The following VPS37A variants were observed in gnomAD, a reference collection of about 807,000 sequenced individuals.
VPS37A encodes vacuolar protein sorting-associated protein 37A.
Under a neutral mutation model 49.8 loss-of-function variants are expected in VPS37A, and 30 were observed. The observed-to-expected ratio is 0.60, with a 90% CI of 0.45 to 0.82. The LOEUF is 0.82. Ranked by LOEUF, VPS37A falls within the 40% of genes least tolerant of loss-of-function variation. The probability of loss-of-function intolerance (pLI) is 0.00; values close to 1 mark genes in which losing one functional copy is unlikely to be tolerated. For synonymous variants in VPS37A, 195 were observed against 160.6 expected, an observed-to-expected ratio of 1.21 and a Z score of -1.62; for missense variants, 593 against 464.4, an observed-to-expected ratio of 1.28 and a Z score of -2.55.
downstream of VPS37A, chr8:17,299,975 CT>C: frequency 6.2e-7 from 1 of 1,614,164 alleles, no homozygotes; most frequent in Non-Finnish European, 8.5e-7. Context: ...ACCCCGGACT[CT>C]TGGTCACTGT....
At chr8:17,300,189 G>T (rs1290244212), downstream of VPS37A, 1 of 1,613,246 alleles carries the variant, frequency 6.2e-7, no homozygotes, top group Non-Finnish European at 8.5e-7. Context: ...TCACCTTAGT[G>T]CAATTTAACT....
chr8:17,300,329 A>G, downstream of VPS37A: 10 of 1,242,748 alleles, frequency 8.0e-6, no homozygotes, highest in Non-Finnish European at 1.1e-5. Flanking sequence ...GTATAATGTT[A>G]AGAACATGTG....
intron 1 of VPS37A, among the ~76,000 whole-genome samples, chr8:17,251,696 C>A (rs535840314): frequency 6.6e-6 from 1 of 152,208 alleles, no homozygotes; most frequent in Admixed American, 6.5e-5. Flanking sequence ...TTATCTTGCA[C>A]ACAGGAGATG....
intron 6 of VPS37A, among the ~76,000 whole-genome samples, chr8:17,277,105 A>AT (rs1024253215): frequency 1.3e-5 from 2 of 151,888 alleles, no homozygotes; most frequent in Non-Finnish European, 2.9e-5. Context: ...CTTTTTCTTT[A>AT]TTTTTTTGCA....
chr8:17,268,208 G>T, intron 2 of VPS37A, 50 bp from the exon 3 acceptor site: 2 of 1,311,810 alleles, frequency 1.5e-6, no homozygotes, highest in Non-Finnish European at 2.2e-6. Context: ...ACCATATAAT[G>T]TACCTTTGTT....
At chr8:17,314,271 T>C in the VPS37A span, among the ~76,000 whole-genome samples, 1 of 152,068 alleles carries the variant, frequency 6.6e-6, no homozygotes, top group Non-Finnish European at 1.5e-5. Context: ...AATCAAGAAA[T>C]CATAGATTTC....
downstream of VPS37A, among the ~76,000 whole-genome samples, chr8:17,306,598 C>T (rs1018427070): frequency 1.3e-5 from 2 of 152,142 alleles, no homozygotes; most frequent in Non-Finnish European, 2.9e-5. Flanking sequence ...TAGCCCTTTA[C>T]ACTACTGTGT....
chr8:17,309,202 CTAAA>C, the VPS37A span: 1 of 1,038,820 alleles, frequency 9.6e-7, no homozygotes, highest in African/African-American at 1.6e-5. Context: ...CGATTTTCCC[CTAAA>C]TATTCAATTG....
In VPS37A at chr8:17,276,408, T is replaced by C. The variant is rs1381252140; in HGVS notation, c.654T>C (p.Asn218=). 2.5e-6 allele frequency: 4 copies of C among 1,611,558 alleles called. No individual in the cohort carries two copies. In the Admixed American group the frequency reaches 5.0e-5, roughly 20 times the overall value. Residue 218 remains asparagine (N), a synonymous_variant, in exon 6 of 12, where the codon AAT becomes AAC. Transcript: ENST00000324849. ...TVDASIPTSQ[N]GFGYKMPDVP... ...AAACTTTTCTTTAGACAAGCCAAAA[T>C]GGTTTTGGGTACAAGATGCCAGATG... is the stretch of plus-strand genomic sequence containing the variant.
the VPS37A span, among the ~76,000 whole-genome samples, chr8:17,314,235 G>A: frequency 2.6e-5 from 4 of 152,250 alleles, no homozygotes; most frequent in Non-Finnish European, 5.9e-5. Context: ...CTATTGAGGA[G>A]TCTTATCAAT....
the VPS37A span, chr8:17,309,389 C>G: frequency 8.8e-7 from 1 of 1,132,112 alleles, no homozygotes; most frequent in Non-Finnish European, 1.3e-6. Flanking sequence ...GACCACACAA[C>G]CAATAATGTT....
At chr8:17,263,361 A>G (rs913745047) in intron 1 of VPS37A, among the ~76,000 whole-genome samples, 6 of 152,146 alleles carry the variant, frequency 3.9e-5, no homozygotes, top group African/African-American at 1.4e-4. Context: ...TCCTGTTTTA[A>G]TTAAGTAAAA....
chr8:17,310,132 G>A, the VPS37A span, among the ~76,000 whole-genome samples: 1 of 151,938 alleles, frequency 6.6e-6, no homozygotes, highest in African/African-American at 2.4e-5. Flanking sequence ...CAAGTAGCTG[G>A]GACCACAGGT....
intron 1 of VPS37A, among the ~76,000 whole-genome samples, chr8:17,260,349 C>A (rs1402101770): frequency 6.6e-6 from 1 of 152,106 alleles, no homozygotes; most frequent in African/African-American, 2.4e-5. Context: ...TGCCTTAATT[C>A]CTTCTCCCCA....
At chr8:17,314,624 A>C in the VPS37A span, among the ~76,000 whole-genome samples, 1 of 152,228 alleles carries the variant, frequency 6.6e-6, no homozygotes, top group African/African-American at 2.4e-5. Context: ...ACACACAAAA[A>C]AGCACAAGTA....
At chr8:17,306,144 A>G (rs1258451265), downstream of VPS37A, among the ~76,000 whole-genome samples, 1 of 152,202 alleles carries the variant, frequency 6.6e-6, no homozygotes, top group African/African-American at 2.4e-5. Context: ...CTTTGTAGTG[A>G]CGGTCTGGAT....
intron 11 of VPS37A, chr8:17,286,696 T>C: frequency 3.1e-6 from 1 of 321,698 alleles, no homozygotes; most frequent in Non-Finnish European, 5.7e-6. Context: ...TTATAGTCAG[T>C]TCCTTTCTCT....
intron 1 of VPS37A, among the ~76,000 whole-genome samples, chr8:17,255,623 T>C (rs915515468): frequency 6.6e-6 from 1 of 152,228 alleles, no homozygotes; most frequent in Non-Finnish European, 1.5e-5. Flanking sequence ...TTAAAATTGA[T>C]ACATGATAGC....
chr8:17,327,437 A>AT, the VPS37A span, among the ~76,000 whole-genome samples: 50,862 of 151,190 alleles, frequency 0.34, 11,537 homozygotes, highest in African/African-American at 0.64. Flanking sequence ...CGCCTGGTTG[A>AT]TTTTTTTTAT....
Sources: gnomAD v4.1 joint callset for allele counts (sites outside exome capture counted in the v4.1 genomes callset) on GRCh38, gnomAD v4.1.1 for gene constraint, MANE v1.5 for transcripts, NCBI Gene and HGNC (gene_info 2026-07-23, HGNC 2026-07-21) for gene names.